Variants in HAUS7 observed in about 807,000 individuals in gnomAD.
HAUS7 encodes the protein HAUS augmin like complex subunit 7.
HAUS7 carries 3 observed loss-of-function variants against 28.4 expected under a neutral mutation model. The observed-to-expected ratio is 0.11, with a 90% confidence interval of 0.05 to 0.27. HAUS7 has a LOEUF of 0.27. Ranked by LOEUF, HAUS7 falls within the 10% of genes least tolerant of loss-of-function variation. HAUS7 has a pLI of 1.00. For synonymous variants in HAUS7, 165 were observed against 132.1 expected, an observed-to-expected ratio of 1.25 and a Z score of -1.71; for missense variants, 284 against 297.3, an observed-to-expected ratio of 0.96 and a Z score of 0.33.
At chrX:153,450,019 T>C (rs201236454) in intron 9 of HAUS7, among the ~76,000 whole-genome samples, 1 of 112,258 alleles carries the variant, frequency 8.9e-6, no homozygotes, top group East Asian at 2.8e-4. Context: ...CATCCAGGGC[T>C]TCCTTCTCTC....
intron 4 of HAUS7, among the ~76,000 whole-genome samples, chrX:153,458,190 C>T (rs2089340865): frequency 8.8e-6 from 1 of 113,254 alleles, no homozygotes; most frequent in Non-Finnish European, 1.9e-5. Flanking sequence ...CTGGGCATCA[C>T]CATGACATCC....
chrX:153,463,157 A>G, intron 3 of HAUS7: 1 of 327,412 alleles, frequency 3.1e-6, no homozygotes. Context: ...CGCCGTGCAC[A>G]CTGCAGACTA....
upstream of HAUS7, among the ~76,000 whole-genome samples, chrX:153,474,871 G>A (rs1161108624): frequency 1.1e-4 from 12 of 111,844 alleles, no homozygotes; most frequent in African/African-American, 3.9e-4. Context: ...GGCGGCGGGC[G>A]GGATCGCCCC....
At chrX:153,466,324 G>A (rs781983312) in intron 2 of HAUS7, among the ~76,000 whole-genome samples, 7 of 112,430 alleles carry the variant, frequency 6.2e-5, no homozygotes, top group African/African-American at 1.3e-4. Flanking sequence ...CAAAACCCAC[G>A]CTGCAGAAGC....
At chrX:153,493,426 G>C (rs1290502278) in intron 1 of HAUS7, among the ~76,000 whole-genome samples, 1 of 111,963 alleles carries the variant, frequency 8.9e-6, no homozygotes, top group Non-Finnish European at 1.9e-5. Context: ...AAAGAGGGTG[G>C]GACAGAGATG....
intron 4 of HAUS7, 62 bp from the exon 5 acceptor site, chrX:153,457,290 C>A: frequency 1.3e-6 from 1 of 747,333 alleles, no homozygotes; most frequent in Non-Finnish European, 2.1e-6. Context: ...GGCCAGCTGT[C>A]CCCAGTGCCC....
At chrX:153,475,843 C>T (rs1199817658) in intron 1 of HAUS7, among the ~76,000 whole-genome samples, 2 of 84,186 alleles carry the variant, frequency 2.4e-5, no homozygotes, top group East Asian at 7.5e-4. Flanking sequence ...AGCAGGAGAG[C>T]AGGAACAGCC....
rs2089613515 is a variant in HAUS7 at position 153,483,344 on chromosome X, G to T, written c.-589+12030C>A. 1.3e-5 allele frequency: 10 copies of T among 755,336 alleles called. No individual in the cohort carries two copies. In the South Asian group the frequency reaches 4.0e-4, roughly 30 times the overall value. 62.2% of individuals were successfully genotyped at this position (755,336 alleles called of 1,213,427 possible). A position where few individuals can be genotyped will look rare whatever the true frequency, so the allele number is the denominator to read the frequency against. On this transcript the variant is annotated intron_variant, in intron 1 of 5. Transcript: ENST00000370210. The stretch of plus-strand genomic sequence containing the variant: ...CACCAACCTCATCGAGGAGGTGGCG[G>T]AGGGCGCACTGAGCCACATCCACAG...
chrX:153,451,159 G>A (rs1186049394), intron 9 of HAUS7, among the ~76,000 whole-genome samples: 1 of 112,111 alleles, frequency 8.9e-6, no homozygotes, highest in East Asian at 2.8e-4. Context: ...CACACGGCCT[G>A]GATGTAAAGG....
chrX:153,466,851 C>T (rs2089461031), intron 2 of HAUS7, among the ~76,000 whole-genome samples: 2 of 112,580 alleles, frequency 1.8e-5, no homozygotes, highest in Admixed American at 9.3e-5. Context: ...GAGATGCTCA[C>T]TGGAGCATTT....
At chrX:153,467,650 G>A (rs1556984454) in intron 2 of HAUS7, among the ~76,000 whole-genome samples, 1 of 112,532 alleles carries the variant, frequency 8.9e-6, no homozygotes, top group Non-Finnish European at 1.9e-5. Context: ...TGAACCCCAG[G>A]ACTTGTACCC....
At chrX:153,474,586 A>C (rs1556985892), upstream of HAUS7, among the ~76,000 whole-genome samples, 1 of 110,955 alleles carries the variant, frequency 9.0e-6, no homozygotes, top group African/African-American at 3.3e-5. Flanking sequence ...TCAGCGGTCC[A>C]TCTTTGTCCT....
chrX:153,474,056 G>A (rs1247461616), upstream of HAUS7, among the ~76,000 whole-genome samples: 3 of 112,464 alleles, frequency 2.7e-5, no homozygotes, highest in Admixed American at 2.8e-4. Context: ...ATGAGACAAG[G>A]AAGTGGCTGT....
At chrX:153,456,779 G>T (rs781802745) in intron 5 of HAUS7, 128 bp from the exon 6 acceptor site, 2 of 542,108 alleles carry the variant, frequency 3.7e-6, no homozygotes, top group South Asian at 3.0e-5. Context: ...AAGCCCCACC[G>T]CGCAGAATCC....
chrX:153,488,253 G>A (rs1440029062), intron 1 of HAUS7, among the ~76,000 whole-genome samples: 1 of 112,907 alleles, frequency 8.9e-6, no homozygotes, highest in African/African-American at 3.2e-5. Flanking sequence ...ATCTGGGCAC[G>A]GCCTTCCCAT....
upstream of HAUS7, among the ~76,000 whole-genome samples, chrX:153,471,545 AC>A (rs782350949): frequency 6.2e-5 from 7 of 112,585 alleles, no homozygotes; most frequent in Non-Finnish European, 1.3e-4. Context: ...AATGCCCCTT[AC>A]CCAGGGACCT....
chrX:153,467,649 G>A (rs782684342), intron 2 of HAUS7, among the ~76,000 whole-genome samples: 46 of 112,660 alleles, frequency 4.1e-4, no homozygotes, highest in African/African-American at 1.5e-3. Context: ...CTGAACCCCA[G>A]GACTTGTACC....
At chrX:153,482,704 GC>G (rs2089608464) in intron 1 of HAUS7, 3 of 756,568 alleles carry the variant, frequency 4.0e-6, no homozygotes, top group Non-Finnish European at 4.7e-6. Flanking sequence ...GCACCCCTCT[GC>G]CCGCCTGCAG....
At chrX:153,473,164 A>G (rs1220090930), upstream of HAUS7, among the ~76,000 whole-genome samples, 1 of 112,501 alleles carries the variant, frequency 8.9e-6, no homozygotes, top group Non-Finnish European at 1.9e-5. Flanking sequence ...AAAAGTCCTC[A>G]GAGCATCCGG....
Sources: gnomAD v4.1 joint callset for allele counts (sites outside exome capture counted in the v4.1 genomes callset) on GRCh38, gnomAD v4.1.1 for gene constraint, MANE v1.5 for transcripts, NCBI Gene and HGNC (gene_info 2026-07-23, HGNC 2026-07-21) for gene names.